CDH4: variants seen among roughly 807,000 people sequenced by gnomAD.
CDH4 encodes the protein cadherin 4, also known as cadherin-4.
A neutral mutation model predicts 86.0 loss-of-function variants in CDH4; 33 were observed. The ratio of observed to expected loss-of-function variants is 0.38; its 90% CI spans 0.29 to 0.51. The LOEUF (loss-of-function observed/expected upper bound fraction) is 0.51, where lower values mean the gene tolerates loss of function less well. Ranked by LOEUF, CDH4 falls within the 20% of genes least tolerant of loss-of-function variation. The pLI, the probability that CDH4 is intolerant of heterozygous loss-of-function variation, is 0.86. For missense variants in CDH4, 1,114 were observed against 1,307.4 expected, an observed-to-expected ratio of 0.85 and a Z score of 2.28; for synonymous variants, 555 against 549.4, an observed-to-expected ratio of 1.01 and a Z score of -0.14.
intron 2 of CDH4, among the ~76,000 whole-genome samples, chr20:61,262,779 C>T (rs544627281): frequency 4.0e-5 from 6 of 151,010 alleles, no homozygotes; most frequent in East Asian, 4.0e-4. Context: ...TCCTCCTTCC[C>T]TCTCTCCTCC....
chr20:61,349,879 C>T (rs898132553), intron 2 of CDH4, among the ~76,000 whole-genome samples: 1 of 152,172 alleles, frequency 6.6e-6, no homozygotes. Flanking sequence ...ACAGCTCACC[C>T]CCGGGGCAGG....
rs540176251 is a variant in CDH4 at position 61,255,309 on chromosome 20, G to A, written c.169+372G>A. 1.1e-4 allele frequency among the ~76,000 whole-genome samples: 17 copies of A among 152,318 alleles called. No individual in the cohort carries two copies. The South Asian group carries it at 3.3e-3, about 30-fold the overall frequency. On this transcript the variant is annotated intron_variant, in intron 2 of 15. Coordinates refer to ENST00000614565, the MANE Select transcript of CDH4 (RefSeq NM_001794.5). ...AAGCAGACGATGTTGTTGGAAATGC[G>A]GTAAATAAGCCCACAGACGGTCTGT...
intron 8 of CDH4, among the ~76,000 whole-genome samples, chr20:61,896,863 A>T (rs1445010239): frequency 6.6e-6 from 1 of 152,300 alleles, no homozygotes; most frequent in East Asian, 1.9e-4. Context: ...AGCTGGCCGG[A>T]CAGCCCCAGC....
At chr20:61,832,309 C>T (rs1981661147) in intron 4 of CDH4, among the ~76,000 whole-genome samples, 1 of 152,238 alleles carries the variant, frequency 6.6e-6, no homozygotes, top group Non-Finnish European at 1.5e-5. Context: ...CCCTGTGCTG[C>T]AGTTTCCTCA....
intron 4 of CDH4, among the ~76,000 whole-genome samples, chr20:61,817,668 T>A (rs746542978): frequency 1.6e-4 from 25 of 152,136 alleles, no homozygotes; most frequent in Admixed American, 7.9e-4. Flanking sequence ...TGTCTGCGCG[T>A]TCATCTCTGA....
At chr20:61,434,504 G>T (rs1400372065) in intron 2 of CDH4, 1 of 152,130 alleles carries the variant, frequency 6.6e-6, no homozygotes, top group Non-Finnish European at 1.5e-5. Context: ...ATTAGAGGCG[G>T]TGCTGTAATC....
In CDH4 at chr20:61,923,654, G is replaced by A. The variant is rs1260519725; in HGVS notation, c.1578G>A (p.Leu526=). ...LEEGVPPGTV[L]TTFSAVDPDR... ...AGGGCGTGCCCCCCGGCACCGTGCT[G>A]ACCACGTTTTCAGCTGTGGACCCTG... Residue 526 remains leucine (L), a synonymous_variant, in exon 10 of 16, where the codon CTG becomes CTA. Transcript: ENST00000614565. 2 of 1,614,066 alleles carry A rather than the reference G, an allele frequency of 1.2e-6. No homozygotes were observed. Among genetic ancestry groups the A allele is most frequent in the African/African-American group, 1.3e-5 (1 of 75,062 alleles).
At chr20:61,385,645 C>G (rs2084946914) in intron 2 of CDH4, among the ~76,000 whole-genome samples, 1 of 152,122 alleles carries the variant, frequency 6.6e-6, no homozygotes, top group Non-Finnish European at 1.5e-5. Flanking sequence ...TGCCTCCTCT[C>G]CCGTTATCTT....
chr20:61,718,915 C>T, intron 2 of CDH4: 3 of 471,086 alleles, frequency 6.4e-6, no homozygotes, highest in Non-Finnish European at 1.3e-5. Flanking sequence ...TGGAGCTCTT[C>T]CAGCCCAGGG....
chr20:61,565,221 TAGGTGGTGGTGGTGGTGGTGG>T (rs2086268463), intron 2 of CDH4, among the ~76,000 whole-genome samples: 1 of 40,548 alleles, frequency 2.5e-5, no homozygotes, highest in African/African-American at 1.4e-4. Context: ...CTCTCGGTGG[TAGGTGGTGGTGGTGGTGGTGG>T]CGGTGCTCTT....
At chr20:61,653,217 G>T (rs572026135) in intron 2 of CDH4, among the ~76,000 whole-genome samples, 3 of 131,058 alleles carry the variant, frequency 2.3e-5, no homozygotes, top group Admixed American at 1.5e-4. Context: ...ACCCTGAGTG[G>T]ACGCAGCACA....
chr20:61,932,122 CTG>C (rs757520930), intron 13 of CDH4, among the ~76,000 whole-genome samples: 3 of 152,170 alleles, frequency 2.0e-5, no homozygotes, highest in Non-Finnish European at 4.4e-5. Flanking sequence ...TACCAAGACA[CTG>C]TGTGCCTAAA....
chr20:61,736,473 C>T (rs972696323), intron 2 of CDH4, among the ~76,000 whole-genome samples: 1 of 152,196 alleles, frequency 6.6e-6, no homozygotes, highest in South Asian at 2.1e-4. Context: ...GAGTGCCGCA[C>T]GTCTGATGTG....
chr20:61,873,307 G>T (rs1366191235), intron 6 of CDH4, among the ~76,000 whole-genome samples: 3 of 152,182 alleles, frequency 2.0e-5, no homozygotes, highest in Non-Finnish European at 4.4e-5. Flanking sequence ...TTCAGTGCCT[G>T]AGTCCCTTCC....
At chr20:61,806,771 G>T (rs544922789) in intron 4 of CDH4, among the ~76,000 whole-genome samples, 6 of 152,172 alleles carry the variant, frequency 3.9e-5, no homozygotes, top group Non-Finnish European at 8.8e-5. Flanking sequence ...TCAGGGACAT[G>T]TTCATCAACA....
chr20:61,548,487 C>T (rs1248190066), intron 2 of CDH4, among the ~76,000 whole-genome samples: 1 of 152,072 alleles, frequency 6.6e-6, no homozygotes, highest in Non-Finnish European at 1.5e-5. Context: ...CCCCCCATTA[C>T]AGCCCTCGAA....
chr20:61,908,104 G>A (rs75382304), intron 8 of CDH4, among the ~76,000 whole-genome samples: 4,974 of 152,280 alleles, frequency 0.033, 239 homozygotes, highest in African/African-American at 0.11. Flanking sequence ...GCTGATTAAA[G>A]GACTTTCTCT....
At chr20:61,396,095 C>T (rs575496904) in intron 2 of CDH4, among the ~76,000 whole-genome samples, 1 of 152,266 alleles carries the variant, frequency 6.6e-6, no homozygotes, top group Admixed American at 6.5e-5. Flanking sequence ...TCCGTCGTGC[C>T]GTCTTTGACT....
chr20:61,306,166 C>T (rs572437704), intron 2 of CDH4, among the ~76,000 whole-genome samples: 3 of 152,222 alleles, frequency 2.0e-5, no homozygotes, highest in South Asian at 4.1e-4. Context: ...GATTTTAAGT[C>T]TTCCAAAGGT....
Sources: allele counts gnomAD v4.1 joint callset (sites outside exome capture counted in the v4.1 genomes callset), GRCh38; gene constraint gnomAD v4.1.1; transcripts MANE v1.5; gene names NCBI Gene and HGNC (gene_info 2026-07-23, HGNC 2026-07-21).